Variants in NTRK3 observed in about 807,000 individuals in gnomAD.
NTRK3 encodes NT-3 growth factor receptor.
NTRK3 carries 24 observed loss-of-function variants against 91.7 expected under a neutral mutation model. The ratio of observed to expected loss-of-function variants is 0.26; its 90% CI spans 0.19 to 0.37. NTRK3 has a LOEUF of 0.37. NTRK3 is among the 10% of genes least tolerant of loss of function. The pLI, the probability that NTRK3 is intolerant of heterozygous loss-of-function variation, is 1.00. For missense variants in NTRK3, 880 were observed against 1,068.9 expected, an observed-to-expected ratio of 0.82 and a Z score of 2.46; for synonymous variants, 483 against 404.0, an observed-to-expected ratio of 1.20 and a Z score of -2.34.
chr15:87,957,645 C>G (rs2071811136), intron 14 of NTRK3, among the ~76,000 whole-genome samples: 1 of 141,704 alleles, frequency 7.1e-6, no homozygotes, highest in African/African-American at 2.7e-5. Context: ...AACAAATGTG[C>G]ACTGTGAATC....
intron 14 of NTRK3, among the ~76,000 whole-genome samples, chr15:87,972,497 G>C (rs192385177): frequency 6.6e-6 from 1 of 152,264 alleles, no homozygotes; most frequent in East Asian, 1.9e-4. Context: ...GACATTACTT[G>C]ACATTACTCT....
intron 13 of NTRK3, among the ~76,000 whole-genome samples, chr15:88,053,535 T>C (rs923293005): frequency 6.6e-6 from 1 of 152,146 alleles, no homozygotes; most frequent in Non-Finnish European, 1.5e-5. Context: ...CAACATACAG[T>C]GAGGCCATAG....
At chr15:88,111,901 T>G (rs28764202) in intron 13 of NTRK3, among the ~76,000 whole-genome samples, 4 of 94,920 alleles carry the variant, frequency 4.2e-5, no homozygotes, top group African/African-American at 2.3e-4. Flanking sequence ...GTTTTTTTTT[T>G]GTTTTTGTTT....
chr15:88,035,558 T>C (rs954658466), intron 13 of NTRK3, among the ~76,000 whole-genome samples: 4 of 152,206 alleles, frequency 2.6e-5, no homozygotes, highest in African/African-American at 9.7e-5. Flanking sequence ...CATTCTGTGA[T>C]CATGCCACAG....
At chr15:87,876,783 C>A in exon 19 of NTRK3, 4 of 666,304 alleles carry the variant, frequency 6.0e-6, no homozygotes, top group Non-Finnish European at 2.4e-6. Context: ...CTTTTTTTTT[C>A]CTTTTTTCAG....
At chr15:87,910,113 C>G (rs571106280) in intron 17 of NTRK3, among the ~76,000 whole-genome samples, 1 of 152,270 alleles carries the variant, frequency 6.6e-6, no homozygotes, top group African/African-American at 2.4e-5. Context: ...AGGAGACTGG[C>G]AGGGGCTTCA....
At chr15:87,988,670 T>A (rs2075045509) in intron 14 of NTRK3, among the ~76,000 whole-genome samples, 1 of 152,122 alleles carries the variant, frequency 6.6e-6, no homozygotes, top group Non-Finnish European at 1.5e-5. Flanking sequence ...TGATTTTTGT[T>A]TATTGATCCT....
rs542049307 is a variant in NTRK3 at position 87,933,218 on chromosome 15, C to G, written c.1717-34G>C. On this transcript the variant is annotated intron_variant, in intron 15 of 18. Transcript: ENST00000394480. ...AATGCAGGACACAGGTGTTTAACAACTACAGGGCAGGGGGCTGTCTTTTCT... is the reference window on the plus strand; with the variant it reads ...AATGCAGGACACAGGTGTTTAACAAGTACAGGGCAGGGGGCTGTCTTTTCT... 20 of 1,611,886 alleles carry G rather than the reference C, an allele frequency of 1.2e-5. No individual in the cohort carries two copies. The South Asian group carries it at 2.0e-4, about 16-fold the overall frequency.
chr15:88,232,665 G>A (rs1306120043), intron 3 of NTRK3, among the ~76,000 whole-genome samples: 1 of 152,194 alleles, frequency 6.6e-6, no homozygotes, highest in Non-Finnish European at 1.5e-5. Context: ...CCTCTGAGGA[G>A]CTGATTTGCA....
At chr15:87,895,722 G>A (rs2066080971) in intron 17 of NTRK3, among the ~76,000 whole-genome samples, 1 of 151,938 alleles carries the variant, frequency 6.6e-6, no homozygotes, top group South Asian at 2.1e-4. Context: ...GCTCTCTGAA[G>A]TCTGCTTTCT....
At chr15:88,208,471 C>G (rs574590640) in intron 3 of NTRK3, among the ~76,000 whole-genome samples, 15 of 152,256 alleles carry the variant, frequency 9.9e-5, no homozygotes, top group African/African-American at 3.6e-4. Flanking sequence ...TGCATGCAAA[C>G]CACCTGGGCA....
At chr15:88,097,025 T>A (rs1178312094) in intron 13 of NTRK3, among the ~76,000 whole-genome samples, 2 of 152,234 alleles carry the variant, frequency 1.3e-5, no homozygotes, top group Admixed American at 1.3e-4. Context: ...TTTAGGCTTA[T>A]GGCTCAAAGC....
Position 88,192,373 on chromosome 15 carries a change from T to C in NTRK3, c.249-8074A>G, listed in dbSNP as rs146263053. Among the ~76,000 whole-genome samples, 183 of 152,148 alleles carry C rather than the reference T, an allele frequency of 1.2e-3. 2 individuals are homozygous for C. The East Asian group carries it at 0.031, about 26-fold the overall frequency. On this transcript the variant is annotated intron_variant, in intron 3 of 18. Coordinates refer to ENST00000394480, the Ensembl canonical transcript of NTRK3. Reference sequence around the variant, plus strand: ...TCCTATCCTACCCCTCCCCAGCCTATCTGCTTCTATTTTTACTGCTGCTGC... The same window carrying C: ...TCCTATCCTACCCCTCCCCAGCCTACCTGCTTCTATTTTTACTGCTGCTGC...
chr15:88,024,745 A>C (rs2141927072), intron 14 of NTRK3, among the ~76,000 whole-genome samples: 1 of 150,810 alleles, frequency 6.6e-6, no homozygotes, highest in African/African-American at 2.4e-5. Flanking sequence ...TGTCAACAAG[A>C]CTTCTGGGAA....
In NTRK3 at chr15:88,224,469, G is replaced by A. The variant is rs59272298; in HGVS notation, c.248+31437C>T. On this transcript the variant is annotated intron_variant, in intron 3 of 18. Transcript: ENST00000394480. ...CTCTCCTTCACCTCCCAGCTGAGGG[G>A]ACCTTGGGTACATTATGAACCGCTA... Among the ~76,000 whole-genome samples, 1,299 of 152,352 alleles carry A rather than the reference G, an allele frequency of 8.5e-3. 23 individuals carry two copies. Among genetic ancestry groups the A allele is most frequent in the African/African-American group, 0.03 (1,237 of 41,588 alleles).
At chr15:88,043,297 G>A (rs1303161605) in intron 13 of NTRK3, among the ~76,000 whole-genome samples, 2 of 152,208 alleles carry the variant, frequency 1.3e-5, no homozygotes. Context: ...TAAGGTGACT[G>A]GAATACAAAA....
At position 87,959,303 on chromosome 15, in the gene NTRK3, C is replaced by T. The variant is rs1351073760; in HGVS notation, c.1586-18550G>A. 3.3e-5 allele frequency among the ~76,000 whole-genome samples: 5 copies of T among 152,208 alleles called. No homozygotes were observed. The East Asian group carries it at 9.6e-4, about 29-fold the overall frequency. On this transcript the variant is annotated intron_variant, in intron 14 of 18. Coordinates refer to ENST00000394480, the Ensembl canonical transcript of NTRK3. ...GTGCTGTACCCAGCACCTCCGCCAC[C>T]ACCTGGTAGACAGTGGTGCTCAATA...
intron 13 of NTRK3, among the ~76,000 whole-genome samples, chr15:88,085,758 C>G (rs1263804171): frequency 3.9e-5 from 6 of 152,230 alleles, no homozygotes; most frequent in African/African-American, 7.2e-5. Flanking sequence ...GCTGGCCAGT[C>G]TTGCCCTATA....
chr15:88,054,635 A>C (rs1486903780), intron 13 of NTRK3, among the ~76,000 whole-genome samples: 1 of 152,164 alleles, frequency 6.6e-6, no homozygotes, highest in East Asian at 1.9e-4. Context: ...TCTGCAAAGC[A>C]CTTGGTAGCT....
Sources: gnomAD v4.1 joint callset for allele counts (sites outside exome capture counted in the v4.1 genomes callset) on GRCh38, gnomAD v4.1.1 for gene constraint, MANE v1.5 for transcripts, NCBI Gene and HGNC (gene_info 2026-07-23, HGNC 2026-07-21) for gene names.